Variants in TRIM58 observed in about 807,000 individuals in gnomAD.
TRIM58 encodes the protein E3 ubiquitin-protein ligase TRIM58.
TRIM58 carries 38 observed loss-of-function variants against 34.1 expected under a neutral mutation model. That is an observed-to-expected ratio of 1.12 (90% CI 0.86 to 1.46). The LOEUF (loss-of-function observed/expected upper bound fraction) is 1.46, where lower values mean the gene tolerates loss of function less well. Ranked by LOEUF, TRIM58 falls within the 40% of genes most tolerant of loss-of-function variation. The pLI is 0.00. For missense variants in TRIM58, 677 were observed against 642.0 expected (o/e 1.05, Z -0.59); for synonymous variants, 273 against 275.7 (o/e 0.99, Z 0.10).
chr1:247,871,419 T>G (rs111261829), intron 5 of TRIM58, among the ~76,000 whole-genome samples: 3 of 152,354 alleles, frequency 2.0e-5, no homozygotes, highest in African/African-American at 7.2e-5. Context: ...TTAGTCTGAT[T>G]GTATTATTCT....
At chr1:247,858,024 C>T (rs1663681739) in intron 1 of TRIM58, among the ~76,000 whole-genome samples, 1 of 152,176 alleles carries the variant, frequency 6.6e-6, no homozygotes, top group Admixed American at 6.5e-5. Context: ...AACAATTGTA[C>T]GTCTATATCG....
chr1:247,863,138 A>ATAC (rs2103324156), intron 2 of TRIM58, among the ~76,000 whole-genome samples: 1 of 152,336 alleles, frequency 6.6e-6, no homozygotes, highest in South Asian at 2.1e-4. Context: ...TGGTGGAAGG[A>ATAC]GGTAGAGATG....
Position 247,876,110 on chromosome 1 carries a change from G to A in TRIM58, c.1082G>A (p.Gly361Glu), listed in dbSNP as rs1659279470. 3 of 1,614,150 alleles carry A rather than the reference G, an allele frequency of 1.9e-6. No individual in the cohort carries two copies. The highest frequency in any genetic ancestry group is 1.6e-4 in the Middle Eastern group (1 of 6,062). The change falls in exon 6 of 6, where the codon GGG (glycine) becomes GAG (glutamate). Residue 361 changes from glycine to glutamate, a missense_variant. Coordinates refer to ENST00000366481, the MANE Select transcript of TRIM58 (RefSeq NM_015431.4). Reference protein sequence around the residue: ...LVGEGAEWGLGVCQDTLPRKG... With the variant: ...LVGEGAEWGLEVCQDTLPRKG... Reference sequence around the variant, plus strand: ...GGAGAAGGAGCAGAGTGGGGTTTAGGGGTCTGTCAAGACACACTGCCAAGA... The same window carrying A: ...GGAGAAGGAGCAGAGTGGGGTTTAGAGGTCTGTCAAGACACACTGCCAAGA...
At position 247,876,041 on chromosome 1, in the gene TRIM58, T is replaced by C. The variant is rs140835435; in HGVS notation, c.1013T>C (p.Leu338Ser). The change falls in exon 6 of 6, where the codon TTG (leucine) becomes TCG (serine). Residue 338 changes from leucine (L) to serine (S), a missense_variant. By Grantham distance (145) the Leu-to-Ser change is moderately radical. Coordinates refer to ENST00000366481, the MANE Select transcript of TRIM58 (RefSeq NM_015431.4). The stretch of plus-strand genomic sequence containing the variant: ...GACACATGGCCCTGCATCCTGGGTT[T>C]GCAGAGCTTCTCATCAGGGAGGCAT... ...RFDTWPCILG[L>S]QSFSSGRHYW... 30 of 1,614,082 alleles carry C rather than the reference T, an allele frequency of 1.9e-5. No homozygotes were observed. Among genetic ancestry groups the C allele is most frequent in the Middle Eastern group, 3.3e-4 (2 of 6,084 alleles).
intron 5 of TRIM58, 67 bp from the exon 6 acceptor site, chr1:247,875,833 A>G (rs1397498949): frequency 1.4e-6 from 2 of 1,381,170 alleles, no homozygotes; most frequent in Non-Finnish European, 2.0e-6. Flanking sequence ...TATTCTTTTC[A>G]GTGGTTTCCT....
chr1:247,875,979 A>T lies in TRIM58; in HGVS notation c.951A>T (p.Glu317Asp), dbSNP rs1309113344. 1 of 1,614,084 alleles carries T rather than the reference A, an allele frequency of 6.2e-7. No homozygotes were observed. Among genetic ancestry groups the T allele is most frequent in the Non-Finnish European group, 8.5e-7 (1 of 1,180,038 alleles). Residue 317 changes from glutamate (E) to aspartate (D), a missense_variant, in exon 6 of 6, where the codon GAA becomes GAT. Transcript: ENST00000366481. ...TADLRSVQDG[E>D]PWRDVPNNPE... ...ACCTGCGCAGTGTGCAGGATGGAGA[A>T]CCATGGAGGGATGTCCCCAACAACC... is the stretch of plus-strand genomic sequence containing the variant.
intron 1 of TRIM58, 35 bp from the exon 2 acceptor site, chr1:247,860,582 A>G: frequency 6.9e-7 from 1 of 1,449,324 alleles, no homozygotes; most frequent in Non-Finnish European, 9.7e-7. Context: ...GTACAGATTG[A>G]GGGCATCTGT....
In TRIM58 at chr1:247,876,586, G is replaced by T; in HGVS notation, c.*97G>T. 1.1e-6 allele frequency: 1 copy of T among 881,266 alleles called. No individual in the cohort carries two copies. Among genetic ancestry groups the T allele is most frequent in the Non-Finnish European group, 1.7e-6 (1 of 584,404 alleles). 54.6% of individuals were successfully genotyped at this position (881,266 alleles called of 1,614,324 possible). Reference sequence around the variant, plus strand: ...AAGTTTTAACAGATACCCCATTTAGGTCAGCACTTGATTCGTTGTTGCTGT... The same window carrying T: ...AAGTTTTAACAGATACCCCATTTAGTTCAGCACTTGATTCGTTGTTGCTGT... On this transcript the variant is annotated 3_prime_UTR_variant, in exon 6 of 6. Coordinates refer to ENST00000366481, the MANE Select transcript of TRIM58 (RefSeq NM_015431.4).
chr1:247,866,538 T>TG (rs1663930910), intron 3 of TRIM58, among the ~76,000 whole-genome samples: 1 of 152,232 alleles, frequency 6.6e-6, no homozygotes, highest in African/African-American at 2.4e-5. Flanking sequence ...CCCAGAGTGC[T>TG]GGGATTGTAG....
chr1:247,862,524 T>C (rs1663817112), intron 2 of TRIM58, among the ~76,000 whole-genome samples: 1 of 152,170 alleles, frequency 6.6e-6, no homozygotes, highest in Non-Finnish European at 1.5e-5. Context: ...AGTGGTAGGA[T>C]GTACATTATT....
chr1:247,857,546 C>T lies in TRIM58; in HGVS notation c.300C>T (p.Gly100=). ...GGGCGCGGCGATGCGCGCGGCACGG[C>T]GAGGACCTGAGCCGCTTCTGCGAGG... ...GPGARRCARH[G]EDLSRFCEED... Residue 100 remains glycine, a synonymous_variant, in exon 1 of 6, where the codon GGC becomes GGT. Coordinates refer to ENST00000366481, the MANE Select transcript of TRIM58 (RefSeq NM_015431.4). 7.8e-7 allele frequency: 1 copy of T among 1,279,820 alleles called. No homozygotes were observed. The allele number at this position is 1,279,820 out of a possible 1,614,324, so 79.3% of individuals were successfully genotyped here. A position where few individuals can be genotyped will look rare whatever the true frequency, so the allele number is the denominator to read the frequency against.
Position 247,868,065 on chromosome 1 carries a change from T to C in TRIM58, c.871+2T>C. On this transcript the variant is annotated splice_donor_variant, in intron 5 of 5. Transcript: ENST00000366481. LOFTEE classifies it high-confidence loss of function. Reference sequence around the variant, plus strand: ...GGGAGCTCTTAAGGAAGTTCCAAGGTAGTTGCATCTTAGAGACTGGGAATT... The same window carrying C: ...GGGAGCTCTTAAGGAAGTTCCAAGGCAGTTGCATCTTAGAGACTGGGAATT... The C allele has an allele frequency of 6.3e-7, 1 of 1,599,604 alleles. No homozygotes were observed.
Position 247,864,727 on chromosome 1 carries a change from A to T in TRIM58, c.539A>T (p.Gln180Leu), listed in dbSNP as rs763491622. Residue 180 changes from glutamine (Q) to leucine (L), a missense_variant, in exon 3 of 6, where the codon CAG (glutamine) becomes CTG (leucine). By Grantham distance (113) the Gln-to-Leu change is moderately radical. Coordinates refer to ENST00000366481, the MANE Select transcript of TRIM58 (RefSeq NM_015431.4). ...IWKEKVEMQR[Q>L]RFRLEFEKHR... ...CAGGAGAAAGTGGAAATGCAGAGGCAGCGCTTCAGATTGGAGTTTGAGAAG... is the reference window on the plus strand; with the variant it reads ...CAGGAGAAAGTGGAAATGCAGAGGCTGCGCTTCAGATTGGAGTTTGAGAAG... 6.2e-7 allele frequency: 1 copy of T among 1,614,170 alleles called. No homozygotes were observed. The highest frequency in any genetic ancestry group is 2.2e-5 in the East Asian group (1 of 44,864).
Position 247,879,077 on chromosome 1 carries a change from G to C in TRIM58, c.*2588G>C, listed in dbSNP as rs1659354370. 6.6e-6 allele frequency among the ~76,000 whole-genome samples: 1 copy of C among 151,666 alleles called. No individual in the cohort carries two copies. The highest frequency in any genetic ancestry group is 1.5e-5 in the Non-Finnish European group (1 of 68,002). On this transcript the variant is annotated 3_prime_UTR_variant, in exon 6 of 6. Transcript: ENST00000366481. ...GTCTTTTATATTCAGCTGTCCACTT[G>C]ACATCAAAATAGACATTTTGAACTC...
rs752840919 is a variant in TRIM58, at chr1:247,864,746, T to G, written c.558T>G (p.Phe186Leu). ...EMQRQRFRLE[F>L]EKHRGFLAQE... ...AGAGGCAGCGCTTCAGATTGGAGTT[T>G]GAGAAGCATCGTGGCTTTCTGGCCC... Residue 186 changes from phenylalanine to leucine, a missense_variant, in exon 3 of 6, where the codon TTT becomes TTG. By Grantham distance (22) the Phe-to-Leu change is conservative (BLOSUM62 0). Coordinates refer to ENST00000366481, the MANE Select transcript of TRIM58 (RefSeq NM_015431.4). 1.9e-6 allele frequency: 3 copies of G among 1,614,130 alleles called. No individual in the cohort carries two copies. The highest frequency in any genetic ancestry group is 2.7e-5 in the African/African-American group (2 of 75,022).
chr1:247,878,249 A>C lies in TRIM58; in HGVS notation c.*1760A>C, dbSNP rs1172021006. The C allele has an allele frequency of 3.9e-5, 6 of 152,276 alleles. No individual in the cohort carries two copies. The South Asian group carries it at 6.2e-4, about 16-fold the overall frequency. The allele number at this position is 152,276 out of a possible 1,614,324, so 9.4% of individuals were successfully genotyped here. On this transcript the variant is annotated 3_prime_UTR_variant, in exon 6 of 6. Coordinates refer to ENST00000366481, the MANE Select transcript of TRIM58 (RefSeq NM_015431.4). ...AAATGTTTAAATGGTAAATGCTTCAATGCTAACCAAATATTAATTAATGGC... is the reference window on the plus strand; with the variant it reads ...AAATGTTTAAATGGTAAATGCTTCACTGCTAACCAAATATTAATTAATGGC...
At chr1:247,872,087 G>A (rs1275603636) in intron 5 of TRIM58, among the ~76,000 whole-genome samples, 1 of 152,162 alleles carries the variant, frequency 6.6e-6, no homozygotes, top group Non-Finnish European at 1.5e-5. Flanking sequence ...TGACAGGAGG[G>A]TCGGAGAGAC....
Position 247,876,483 on chromosome 1 carries a change from T to G in TRIM58, c.1455T>G (p.His485Gln), listed in dbSNP as rs766664709. 5 of 1,611,854 alleles carry G rather than the reference T, an allele frequency of 3.1e-6. No individual in the cohort carries two copies. The highest frequency in any genetic ancestry group is 4.2e-6 in the Non-Finnish European group (5 of 1,178,752). ...LDPASDVRDD[H>Q]L is the part of the protein sequence containing the mutation. Reference sequence around the variant, plus strand: ...CTGCTTCTGATGTAAGAGATGATCATCTCTAAAATTCTGTTCCCAAGATGC... The same window carrying G: ...CTGCTTCTGATGTAAGAGATGATCAGCTCTAAAATTCTGTTCCCAAGATGC... Residue 485 changes from histidine to glutamine, a missense_variant, in exon 6 of 6, where the codon CAT (histidine) becomes CAG (glutamine). Coordinates refer to ENST00000366481, the MANE Select transcript of TRIM58 (RefSeq NM_015431.4).
intron 1 of TRIM58, among the ~76,000 whole-genome samples, chr1:247,858,715 CT>C (rs911008126): frequency 8.3e-5 from 11 of 133,232 alleles, no homozygotes; most frequent in Non-Finnish European, 1.6e-4. Context: ...ATGTTCTTGC[CT>C]TTTTAAAAAA....
Sources: allele counts gnomAD v4.1 joint callset (sites outside exome capture counted in the v4.1 genomes callset), GRCh38; gene constraint gnomAD v4.1.1; transcripts MANE v1.5; gene names NCBI Gene and HGNC (gene_info 2026-07-23, HGNC 2026-07-21).